The following AGBL4 variants were observed in gnomAD, a reference collection of about 807,000 sequenced individuals.
AGBL4 encodes cytosolic carboxypeptidase 6.
A neutral mutation model predicts 66.4 loss-of-function variants in AGBL4; 58 were observed. That is an observed-to-expected ratio of 0.87 (90% confidence interval 0.71 to 1.09). The LOEUF (loss-of-function observed/expected upper bound fraction) is 1.09. AGBL4 is among the 50% of genes least tolerant of loss of function. The pLI is 0.00. For missense variants in AGBL4, 579 were observed against 631.0 expected (o/e 0.92, Z 0.88); for synonymous variants, 234 against 222.9 (o/e 1.05, Z -0.44).
intron 3 of AGBL4, among the ~76,000 whole-genome samples, chr1:49,412,243 C>T (rs1187508878): frequency 6.6e-6 from 1 of 152,054 alleles, no homozygotes; most frequent in Non-Finnish European, 1.5e-5. Flanking sequence ...GATCAGAGTG[C>T]CAGCAAGAGC....
chr1:49,158,976 C>A (rs1432290981), intron 4 of AGBL4, among the ~76,000 whole-genome samples: 3 of 148,362 alleles, frequency 2.0e-5, no homozygotes, highest in Non-Finnish European at 4.5e-5. Flanking sequence ...CGAGATGGGT[C>A]TCCTGAATAC....
At chr1:49,840,434 T>C (rs973907300) in intron 2 of AGBL4, among the ~76,000 whole-genome samples, 3 of 152,150 alleles carry the variant, frequency 2.0e-5, no homozygotes, top group Non-Finnish European at 4.4e-5. Flanking sequence ...CATTGATGGT[T>C]TGTATAGATT....
At chr1:48,991,743 T>C (rs919426958) in intron 5 of AGBL4, among the ~76,000 whole-genome samples, 8 of 152,218 alleles carry the variant, frequency 5.3e-5, no homozygotes, top group African/African-American at 1.9e-4. Flanking sequence ...AATTCTTTCT[T>C]CTGCTTGATC....
chr1:48,625,888 C>CTT (rs147828712), intron 9 of AGBL4, among the ~76,000 whole-genome samples: 1,671 of 152,218 alleles, frequency 0.011, 35 homozygotes, highest in African/African-American at 0.039. Flanking sequence ...AAAACCATGT[C>CTT]TTTTATCACA....
chr1:48,880,033 C>T (rs772121993), intron 5 of AGBL4, among the ~76,000 whole-genome samples: 3 of 151,984 alleles, frequency 2.0e-5, no homozygotes, highest in Non-Finnish European at 4.4e-5. Context: ...AGTTCTTTGG[C>T]GGTAATTTGT....
At chr1:49,826,520 G>GA (rs1645514303) in intron 2 of AGBL4, among the ~76,000 whole-genome samples, 1 of 152,200 alleles carries the variant, frequency 6.6e-6, no homozygotes. Context: ...ATATAAGAAT[G>GA]AGTTGATGAC....
rs898661087 is a variant in AGBL4, at chr1:49,664,619, G to C, written c.282+32694C>G. Among the ~76,000 whole-genome samples the C allele has an allele frequency of 2.6e-5, 4 of 152,024 alleles. No homozygotes were observed. The South Asian group carries it at 8.3e-4, about 31-fold the overall frequency. ...TTTCTGATCAATTCAAGGGAATATG[G>C]TAATGATGAAATTTCAACGGTGCAT... is the stretch of plus-strand genomic sequence containing the variant. On this transcript the variant is annotated intron_variant, in intron 3 of 13. Transcript: ENST00000371839.
chr1:49,863,237 T>C (rs1342754568), intron 1 of AGBL4, among the ~76,000 whole-genome samples: 3 of 152,142 alleles, frequency 2.0e-5, no homozygotes, highest in Non-Finnish European at 4.4e-5. Flanking sequence ...GATATCCATA[T>C]GGAAAATGAA....
At chr1:49,152,530 C>G (rs999532039) in intron 4 of AGBL4, among the ~76,000 whole-genome samples, 1 of 152,196 alleles carries the variant, frequency 6.6e-6, no homozygotes, top group Non-Finnish European at 1.5e-5. Flanking sequence ...TCAAAAGCAT[C>G]TGAAAGGCTG....
chr1:49,030,069 G>A (rs2149033833), intron 5 of AGBL4, among the ~76,000 whole-genome samples: 1 of 152,158 alleles, frequency 6.6e-6, no homozygotes, highest in East Asian at 1.9e-4. Context: ...AGAAAACATA[G>A]GAGTAAATCT....
intron 2 of AGBL4, among the ~76,000 whole-genome samples, chr1:49,799,289 A>G (rs1644803063): frequency 1.3e-5 from 2 of 152,150 alleles, no homozygotes; most frequent in African/African-American, 4.8e-5. Flanking sequence ...TTGTAAATCA[A>G]ATTAAAAAAA....
intron 2 of AGBL4, among the ~76,000 whole-genome samples, chr1:49,767,155 T>C (rs1652789853): frequency 6.6e-6 from 1 of 152,030 alleles, no homozygotes; most frequent in African/African-American, 2.4e-5. Flanking sequence ...AGAATATACA[T>C]CCTTCTTATC....
At chr1:48,691,560 G>A (rs1339525210) in intron 6 of AGBL4, among the ~76,000 whole-genome samples, 1 of 152,174 alleles carries the variant, frequency 6.6e-6, no homozygotes, top group Non-Finnish European at 1.5e-5. Context: ...TGGGCTGTCT[G>A]GAGTTGAGTC....
rs1246365634 is a variant in AGBL4, at chr1:48,534,873, T to C, written c.1391+17A>G. On this transcript the variant is annotated intron_variant, in intron 13 of 13. Transcript: ENST00000371839. The stretch of plus-strand genomic sequence containing the variant: ...TATGTTACTTACGGGCAATGTCATC[T>C]TGAAGCAGTTCCTTACCTTCTCTGG... The C allele has an allele frequency of 4.8e-5, 74 of 1,551,008 alleles. 1 individual carries two copies. The highest frequency in any genetic ancestry group is 1.2e-4 in the East Asian group (5 of 40,924).
At position 48,533,238 on chromosome 1, in the gene AGBL4, T is replaced by C. The variant is rs181502028; in HGVS notation, c.*935A>G. On this transcript the variant is annotated 3_prime_UTR_variant, in exon 14 of 14. Coordinates refer to ENST00000371839, the MANE Select transcript of AGBL4 (RefSeq NM_032785.4). Reference sequence around the variant, plus strand: ...AAGGGAGCAGACCCCCCTGGACCCATTCATCATACAAAGGCACTTTACTCT... The same window carrying C: ...AAGGGAGCAGACCCCCCTGGACCCACTCATCATACAAAGGCACTTTACTCT... 6.6e-6 allele frequency: 1 copy of C among 152,228 alleles called. No homozygotes were observed. The highest frequency in any genetic ancestry group is 2.4e-5 in the African/African-American group (1 of 41,556). The allele number at this position is 152,228 out of a possible 1,614,324, so 9.4% of individuals were successfully genotyped here.
At chr1:49,524,931 T>C (rs1202738739) in intron 3 of AGBL4, among the ~76,000 whole-genome samples, 1 of 152,102 alleles carries the variant, frequency 6.6e-6, no homozygotes, top group Non-Finnish European at 1.5e-5. Context: ...AATTTTTTAA[T>C]TAAAGAGTAT....
intron 4 of AGBL4, among the ~76,000 whole-genome samples, chr1:49,207,579 T>TTTCTTTCTTTCTTTCTTTC (rs1648319165): frequency 1.4e-5 from 2 of 145,414 alleles, no homozygotes; most frequent in African/African-American, 2.6e-5. Context: ...TCTTTCTTTC[T>TTTCTTTCTTTCTTTCTTTC]TTCTTTCTTT....
chr1:49,839,715 T>C (rs977640526), intron 2 of AGBL4, among the ~76,000 whole-genome samples: 2 of 152,210 alleles, frequency 1.3e-5, no homozygotes, highest in African/African-American at 4.8e-5. Flanking sequence ...GAGGACCTTA[T>C]ATAGGATAGA....
chr1:48,867,290 G>A, intron 5 of AGBL4, 60 bp from the exon 6 acceptor site: 4 of 1,547,854 alleles, frequency 2.6e-6, no homozygotes, highest in South Asian at 1.1e-5. Context: ...ATTGTGCTTA[G>A]CAGGTCAGGG....
Sources: gnomAD v4.1 joint callset for allele counts (sites outside exome capture counted in the v4.1 genomes callset) on GRCh38, gnomAD v4.1.1 for gene constraint, MANE v1.5 for transcripts, NCBI Gene and HGNC (gene_info 2026-07-23, HGNC 2026-07-21) for gene names.